The following PUS7L variants were observed in gnomAD, a reference collection of about 807,000 sequenced individuals.
PUS7L encodes pseudouridine synthase 7 like, also known as pseudouridylate synthase PUS7L.
In PUS7L, 49 loss-of-function variants were observed where a neutral mutation model predicts 51.1. The observed-to-expected ratio is 0.96, with a 90% CI of 0.76 to 1.22. The LOEUF is 1.22. Among genes scored for constraint, PUS7L ranks in the 50% most tolerant of loss-of-function variants. The pLI, the probability that PUS7L is intolerant of heterozygous loss-of-function variation, is 0.00. For missense variants in PUS7L, 828 were observed against 820.6 expected (o/e 1.01, Z -0.11); for synonymous variants, 277 against 276.2 (o/e 1.00, Z -0.03).
chr12:43,754,059 T>G (rs1938577525), intron 2 of PUS7L, among the ~76,000 whole-genome samples: 12 of 152,190 alleles, frequency 7.9e-5, no homozygotes, highest in Admixed American at 7.9e-4. Flanking sequence ...TGCTTCAACT[T>G]TATACATTTG....
At chr12:43,740,625 C>T (rs958045999) in intron 5 of PUS7L, among the ~76,000 whole-genome samples, 1 of 152,036 alleles carries the variant, frequency 6.6e-6, no homozygotes, top group Non-Finnish European at 1.5e-5. Context: ...TTTTTAGCTG[C>T]AGGAACCAGC....
Position 43,754,361 on chromosome 12 carries a change from G to A in PUS7L, c.885C>T (p.Cys295=). ...HKRGKRPLSE[C]QEGKVIYTAF... ...CTGTATATATAACTTTTCCTTCTTG[G>A]CATTCAGAAAGAGGCCTTTTCCCAC... The change falls in exon 2 of 9, where the codon TGC becomes TGT. Residue 295 remains cysteine (C), a synonymous_variant. Transcript: ENST00000344862. 1 of 1,596,288 alleles carries A rather than the reference G, an allele frequency of 6.3e-7. No homozygotes were observed. The highest frequency in any genetic ancestry group is 1.8e-5 in the Admixed American group (1 of 55,348).
rs1456895848 is a variant in PUS7L, at chr12:43,730,340, A to T, written c.*36T>A. 1 of 1,515,168 alleles carries T rather than the reference A, an allele frequency of 6.6e-7. No individual in the cohort carries two copies. Among genetic ancestry groups the T allele is most frequent in the Non-Finnish European group, 9.1e-7 (1 of 1,099,800 alleles). 93.9% of individuals were successfully genotyped at this position (1,515,168 alleles called of 1,614,324 possible). On this transcript the variant is annotated 3_prime_UTR_variant, in exon 9 of 9. Transcript: ENST00000344862. ...CATTTTAGCCCCCTTTCCTTCAAAG[A>T]GTGACATATATATGGTTATACCAAG...
rs1328251357 is a variant in PUS7L, at chr12:43,719,581, C to T, written c.*10795G>A. 2 of 151,970 alleles carry T rather than the reference C, an allele frequency of 1.3e-5. No individual in the cohort carries two copies. Among genetic ancestry groups the T allele is most frequent in the Non-Finnish European group, 2.9e-5 (2 of 67,996 alleles). 9.4% of individuals were successfully genotyped at this position (151,970 alleles called of 1,614,324 possible). A position where few individuals can be genotyped will look rare whatever the true frequency, so the allele number is the denominator to read the frequency against. On this transcript the variant is annotated 3_prime_UTR_variant, in exon 9 of 9. Transcript: ENST00000344862. Reference sequence around the variant, plus strand: ...TTTTTGAATGTCTAGTAGAACCAACCATTGAACACATCTGGCCCTGACCTT... The same window carrying T: ...TTTTTGAATGTCTAGTAGAACCAACTATTGAACACATCTGGCCCTGACCTT...
At chr12:43,757,911 T>C (rs1038221571) in intron 1 of PUS7L, among the ~76,000 whole-genome samples, 6 of 152,154 alleles carry the variant, frequency 3.9e-5, no homozygotes, top group African/African-American at 1.2e-4. Context: ...TGCTGGAAAA[T>C]GTAGCTGAGT....
intron 5 of PUS7L, among the ~76,000 whole-genome samples, chr12:43,741,337 C>T (rs1371855050): frequency 6.6e-6 from 1 of 152,198 alleles, no homozygotes; most frequent in Non-Finnish European, 1.5e-5. Context: ...TACTAGCTGC[C>T]TTCACAAAAG....
At position 43,742,505 on chromosome 12, in the gene PUS7L, C is replaced by A; in HGVS notation, c.1314G>T (p.Arg438Ser). The change falls in exon 5 of 9, where the codon AGG becomes AGT. Residue 438 changes from arginine to serine, a missense_variant. Coordinates refer to ENST00000344862, the MANE Select transcript of PUS7L (RefSeq NM_031292.5). Reference protein sequence around the residue: ...YYGPQRFGKGRKVHTDQIGLA... With the variant: ...YYGPQRFGKGSKVHTDQIGLA... Reference sequence around the variant, plus strand: ...GTCCAATTTGGTCTGTGTGAACTTTCCTTCCCTTCCCAAATCTCTGTGGTC... The same window carrying A: ...GTCCAATTTGGTCTGTGTGAACTTTACTTCCCTTCCCAAATCTCTGTGGTC... The A allele has an allele frequency of 1.2e-6, 2 of 1,609,934 alleles. No homozygotes were observed. The highest frequency in any genetic ancestry group is 1.7e-5 in the Admixed American group (1 of 58,906).
At chr12:43,757,345 A>AT (rs1187632554) in intron 1 of PUS7L, among the ~76,000 whole-genome samples, 12 of 150,118 alleles carry the variant, frequency 8.0e-5, no homozygotes, top group African/African-American at 2.5e-4. Context: ...TAATTCTTGT[A>AT]TTTTTTTAGT....
In PUS7L at chr12:43,729,152, C is replaced by T; in HGVS notation, c.*1224G>A. On this transcript the variant is annotated 3_prime_UTR_variant, in exon 9 of 9. Transcript: ENST00000344862. ...CATCAAGTTGATACACATCATTTTACTTACTTTAGTTACGTAATGCTGGAC... is the reference window on the plus strand; with the variant it reads ...CATCAAGTTGATACACATCATTTTATTTACTTTAGTTACGTAATGCTGGAC... 1 of 397,244 alleles carries T rather than the reference C, an allele frequency of 2.5e-6. No individual in the cohort carries two copies. The highest frequency in any genetic ancestry group is 1.3e-4 in the South Asian group (1 of 7,834). 24.6% of individuals were successfully genotyped at this position (397,244 alleles called of 1,614,324 possible). A position where few individuals can be genotyped will look rare whatever the true frequency, so the allele number is the denominator to read the frequency against.
At chr12:43,752,533 C>T (rs1279786109) in intron 2 of PUS7L, among the ~76,000 whole-genome samples, 1 of 152,154 alleles carries the variant, frequency 6.6e-6, no homozygotes, top group African/African-American at 2.4e-5. Context: ...ATACACCTAC[C>T]ATGGGGTATT....
At position 43,754,981 on chromosome 12, in the gene PUS7L, G is replaced by C. The variant is rs1248351813; in HGVS notation, c.265C>G (p.His89Asp). 15 of 1,613,466 alleles carry C rather than the reference G, an allele frequency of 9.3e-6. No homozygotes were observed. Among genetic ancestry groups the C allele is most frequent in the Non-Finnish European group, 1.3e-5 (15 of 1,179,708 alleles). ...SLEDGRNQEV[H>D]TLIKYTDGDQ... ...CCATCAGTGTACTTAATCAAAGTATGAACTTCTTGGTTTCTTCCATCTTCT... is the reference window on the plus strand; with the variant it reads ...CCATCAGTGTACTTAATCAAAGTATCAACTTCTTGGTTTCTTCCATCTTCT... Residue 89 changes from histidine (H) to aspartate (D), a missense_variant, in exon 2 of 9, where the codon CAT becomes GAT. Coordinates refer to ENST00000344862, the MANE Select transcript of PUS7L (RefSeq NM_031292.5).
At chr12:43,748,648 C>T in intron 2 of PUS7L, 39 bp from the exon 3 acceptor site, 1 of 1,477,146 alleles carries the variant, frequency 6.8e-7, no homozygotes, top group Non-Finnish European at 9.2e-7. Flanking sequence ...AAAAAAGCAG[C>T]TACCATACAT....
In PUS7L at chr12:43,729,532, A is replaced by T. The variant is rs756965637; in HGVS notation, c.*844T>A. 8.1e-6 allele frequency: 2 copies of T among 248,424 alleles called. No individual in the cohort carries two copies. Among genetic ancestry groups the T allele is most frequent in the Middle Eastern group, 1.2e-3 (1 of 850 alleles). 15.4% of individuals were successfully genotyped at this position (248,424 alleles called of 1,614,324 possible). On this transcript the variant is annotated 3_prime_UTR_variant, in exon 9 of 9. Transcript: ENST00000344862. ...TAAACCAACAAAAATTAAAATTTTC[A>T]AATGGGCACAATGTTTTGTTCCTCC...
chr12:43,746,886 T>A (rs1938198504), intron 3 of PUS7L, among the ~76,000 whole-genome samples: 1 of 152,230 alleles, frequency 6.6e-6, no homozygotes, highest in African/African-American at 2.4e-5. Flanking sequence ...TAATTAAAAT[T>A]CCAGACTCAT....
chr12:43,744,024 T>C (rs1031900093), intron 4 of PUS7L, among the ~76,000 whole-genome samples: 4 of 152,138 alleles, frequency 2.6e-5, no homozygotes, highest in Non-Finnish European at 2.9e-5. Flanking sequence ...CTAATGGAAG[T>C]TGGCTAAAAC....
intron 6 of PUS7L, 111 bp from the exon 7 acceptor site, chr12:43,736,772 T>C (rs1339671771): frequency 2.2e-6 from 2 of 898,518 alleles, no homozygotes; most frequent in Non-Finnish European, 3.4e-6. Context: ...ATTAAGATGA[T>C]ATTCAACACT....
At chr12:43,750,704 C>T (rs1938400122) in intron 2 of PUS7L, among the ~76,000 whole-genome samples, 1 of 152,046 alleles carries the variant, frequency 6.6e-6, no homozygotes, top group Non-Finnish European at 1.5e-5. Flanking sequence ...CAAATAGGTA[C>T]CACAAAACTG....
rs1944401912 is a variant in PUS7L, at chr12:43,721,942, T to TC, written c.*8433dup. ...GCACAACATATAGTCTATTCAGTGTTCCCAAGGGAAAAATAAATTACCTTC... is the reference window on the plus strand; with the variant it reads ...GCACAACATATAGTCTATTCAGTGTTCCCCAAGGGAAAAATAAATTACCTTC... On this transcript the variant is annotated 3_prime_UTR_variant, in exon 9 of 9. Coordinates refer to ENST00000344862, the MANE Select transcript of PUS7L (RefSeq NM_031292.5). 6.6e-6 allele frequency: 1 copy of TC among 152,160 alleles called. No homozygotes were observed. The highest frequency in any genetic ancestry group is 2.4e-5 in the African/African-American group (1 of 41,448). The allele number at this position is 152,160 out of a possible 1,614,324, so 9.4% of individuals were successfully genotyped here.
chr12:43,744,608 A>G (rs567728053), intron 4 of PUS7L, among the ~76,000 whole-genome samples: 8 of 152,346 alleles, frequency 5.3e-5, no homozygotes, highest in Non-Finnish European at 8.8e-5. Context: ...CTAACAAAAC[A>G]TATAAAGAGT....
Sources: gnomAD v4.1 joint callset for allele counts (sites outside exome capture counted in the v4.1 genomes callset) on GRCh38, gnomAD v4.1.1 for gene constraint, MANE v1.5 for transcripts, NCBI Gene and HGNC (gene_info 2026-07-23, HGNC 2026-07-21) for gene names.